The following PRELID2 variants were observed in gnomAD, a reference collection of about 807,000 sequenced individuals.
PRELID2 encodes PRELI domain-containing protein 2.
Under a neutral mutation model 28.4 loss-of-function variants are expected in PRELID2, and 25 were observed. The observed-to-expected ratio is 0.88, with a 90% confidence interval of 0.64 to 1.23. The LOEUF is 1.23. Ranked by LOEUF, PRELID2 falls within the 50% of genes most tolerant of loss-of-function variation. PRELID2 has a pLI of 0.00. For synonymous variants in PRELID2, 76 were observed against 71.6 expected (o/e 1.06, Z -0.31); for missense variants, 201 against 214.4 (o/e 0.94, Z 0.39).
At chr5:145,552,361 G>T (rs1031708827) in intron 1 of PRELID2, among the ~76,000 whole-genome samples, 4 of 152,122 alleles carry the variant, frequency 2.6e-5, no homozygotes, top group Non-Finnish European at 5.9e-5. Flanking sequence ...TGCCACACAA[G>T]ACTTTGGGTG....
chr5:145,315,881 C>A, the PRELID2 span, among the ~76,000 whole-genome samples: 1 of 152,238 alleles, frequency 6.6e-6, no homozygotes, highest in African/African-American at 2.4e-5. Context: ...ACATCTTAAA[C>A]ATATACAATT....
chr5:145,410,621 C>A, the PRELID2 span, among the ~76,000 whole-genome samples: 1 of 152,112 alleles, frequency 6.6e-6, no homozygotes. Flanking sequence ...CATCAGATCT[C>A]ATGAGAACTC....
At chr5:145,473,394 A>T (rs1226627708) in intron 1 of PRELID2, 2 of 152,188 alleles carry the variant, frequency 1.3e-5, no homozygotes, top group Non-Finnish European at 2.9e-5. Context: ...GGATTTAGTA[A>T]ACACATAGGA....
chr5:145,822,954 G>A lies in PRELID2; in HGVS notation c.133+123C>T, dbSNP rs1754929533. On this transcript the variant is annotated intron_variant, in intron 2 of 6. Transcript: ENST00000683046. ...ACCTGTTTAAAAACTAATAATGGAA[G>A]AAACTGCAGGTGAACAATTTTTTAA... The A allele has an allele frequency of 5.5e-6, 3 of 548,500 alleles. No individual in the cohort carries two copies. The South Asian group carries it at 9.4e-5, about 17-fold the overall frequency. The allele number at this position is 548,500 out of a possible 1,614,324, so 34.0% of individuals were successfully genotyped here.
intron 1 of PRELID2, among the ~76,000 whole-genome samples, chr5:145,715,052 C>T (rs1159715466): frequency 1.3e-5 from 2 of 152,152 alleles, no homozygotes; most frequent in Non-Finnish European, 2.9e-5. Flanking sequence ...TTAAATACCA[C>T]ATCTGTATTA....
chr5:145,827,357 A>C (rs1755261614), intron 1 of PRELID2, among the ~76,000 whole-genome samples: 1 of 152,240 alleles, frequency 6.6e-6, no homozygotes, highest in South Asian at 2.1e-4. Flanking sequence ...CAAAATTTCA[A>C]TGATCAAGGA....
intron 1 of PRELID2, among the ~76,000 whole-genome samples, chr5:145,510,728 C>G (rs1258343734): frequency 6.6e-6 from 1 of 152,198 alleles, no homozygotes; most frequent in Non-Finnish European, 1.5e-5. Flanking sequence ...CTCCCCACTA[C>G]CTATGTCCTC....
intron 1 of PRELID2, among the ~76,000 whole-genome samples, chr5:145,562,292 C>T (rs1752931111): frequency 6.6e-6 from 1 of 152,146 alleles, no homozygotes; most frequent in South Asian, 2.1e-4. Flanking sequence ...CAACTTCTTC[C>T]TTGTTGAAAT....
intron 1 of PRELID2, among the ~76,000 whole-genome samples, chr5:145,729,869 T>C (rs1756287840): frequency 6.6e-6 from 1 of 152,158 alleles, no homozygotes; most frequent in African/African-American, 2.4e-5. Context: ...GTATGGAGGC[T>C]GTGAAGGCCC....
the PRELID2 span, among the ~76,000 whole-genome samples, chr5:145,301,930 CTTT>C: frequency 0.012 from 1,363 of 110,172 alleles, 19 homozygotes; most frequent in African/African-American, 0.045. Context: ...TTATTCATTT[CTTT>C]TTTTTTTTTT....
At chr5:145,670,822 AAAC>A (rs1360992439) in intron 1 of PRELID2, among the ~76,000 whole-genome samples, 1 of 152,186 alleles carries the variant, frequency 6.6e-6, no homozygotes, top group Non-Finnish European at 1.5e-5. Flanking sequence ...TGGATCTAGA[AAAC>A]AACTAAAATG....
intron 1 of PRELID2, among the ~76,000 whole-genome samples, chr5:145,626,373 A>G (rs536295872): frequency 6.6e-6 from 1 of 152,306 alleles, no homozygotes; most frequent in East Asian, 1.9e-4. Flanking sequence ...GGCAAAGAAG[A>G]GCTGTTTTTC....
intron 1 of PRELID2, among the ~76,000 whole-genome samples, chr5:145,725,696 C>G (rs1756126506): frequency 6.6e-6 from 1 of 151,964 alleles, no homozygotes; most frequent in South Asian, 2.1e-4. Flanking sequence ...CTAATTGTCA[C>G]TTTCCAAGGG....
At chr5:145,500,430 A>G (rs1319440787) in intron 1 of PRELID2, among the ~76,000 whole-genome samples, 4 of 115,454 alleles carry the variant, frequency 3.5e-5, no homozygotes, top group African/African-American at 1.0e-4. Flanking sequence ...AGCCAATTAA[A>G]CCTCTTTATC....
At position 145,490,667 on chromosome 5, in the gene PRELID2, A is replaced by T. The variant is rs538297996; in HGVS notation, n.71-17352T>A. Among the ~76,000 whole-genome samples, 17 of 152,348 alleles carry T rather than the reference A, an allele frequency of 1.1e-4. No homozygotes were observed. In the East Asian group the frequency reaches 3.1e-3, roughly 28 times the overall value. Reference sequence around the variant, plus strand: ...GGCAATTATAAACAATTATAAATTTATCATAAGTTTTCAATTCTCATCTGT... The same window carrying T: ...GGCAATTATAAACAATTATAAATTTTTCATAAGTTTTCAATTCTCATCTGT... On this transcript the variant is annotated intron_variant and non_coding_transcript_variant, in intron 1 of 2. Coordinates refer to the PRELID2 transcript ENST00000510259.
At chr5:145,463,585 CG>C in the PRELID2 span, among the ~76,000 whole-genome samples, 1 of 152,016 alleles carries the variant, frequency 6.6e-6, no homozygotes, top group Non-Finnish European at 1.5e-5. Flanking sequence ...AACTTCATAA[CG>C]GGAAGGACTC....
At chr5:145,396,550 T>G in the PRELID2 span, among the ~76,000 whole-genome samples, 1 of 149,948 alleles carries the variant, frequency 6.7e-6, no homozygotes, top group African/African-American at 2.4e-5. Flanking sequence ...AAGCCTAAAA[T>G]ATTTACTCTC....
At chr5:145,646,090 T>C (rs753583867) in intron 1 of PRELID2, among the ~76,000 whole-genome samples, 3 of 152,198 alleles carry the variant, frequency 2.0e-5, no homozygotes, top group Non-Finnish European at 2.9e-5. Context: ...TCTTGCTAGG[T>C]TGGGGAAGTT....
chr5:145,266,722 A>G, the PRELID2 span, among the ~76,000 whole-genome samples: 2 of 152,198 alleles, frequency 1.3e-5, no homozygotes, highest in Non-Finnish European at 2.9e-5. Flanking sequence ...TCATTATATG[A>G]AAAAGATACT....
Sources: gnomAD v4.1 joint callset for allele counts (sites outside exome capture counted in the v4.1 genomes callset) on GRCh38, gnomAD v4.1.1 for gene constraint, MANE v1.5 for transcripts, NCBI Gene and HGNC (gene_info 2026-07-23, HGNC 2026-07-21) for gene names.